The following CCDC102B variants were observed in gnomAD, a reference collection of about 807,000 sequenced individuals.
CCDC102B encodes the protein coiled-coil domain containing 102B.
In CCDC102B, 75 loss-of-function variants were observed where a neutral mutation model predicts 57.4. The ratio of observed to expected loss-of-function variants is 1.31; its 90% CI spans 1.08 to 1.58. The LOEUF (loss-of-function observed/expected upper bound fraction) is 1.58. Among genes scored for constraint, CCDC102B ranks in the 40% most tolerant of loss-of-function variants. The probability of loss-of-function intolerance (pLI) is 0.00; values close to 1 mark genes in which losing one functional copy is unlikely to be tolerated. For missense variants in CCDC102B, 636 were observed against 582.6 expected (o/e 1.09, Z -0.94); for synonymous variants, 206 against 201.9 (o/e 1.02, Z -0.17).
At chr18:69,007,370 G>T (rs888156275) in intron 6 of CCDC102B, among the ~76,000 whole-genome samples, 4 of 152,142 alleles carry the variant, frequency 2.6e-5, no homozygotes, top group Admixed American at 2.6e-4. Flanking sequence ...GTCTCAGATT[G>T]TTGTTGTCAC....
chr18:68,969,494 G>A (rs1190727837), intron 6 of CCDC102B, among the ~76,000 whole-genome samples: 2 of 78,794 alleles, frequency 2.5e-5, no homozygotes, highest in East Asian at 3.0e-4. Context: ...TTTTTTTTTC[G>A]TTCCTTGTAG....
chr18:68,946,214 A>T (rs2049534332), intron 6 of CCDC102B, among the ~76,000 whole-genome samples: 1 of 152,056 alleles, frequency 6.6e-6, no homozygotes, highest in Non-Finnish European at 1.5e-5. Context: ...TGTACAAATT[A>T]TCTCCCATGT....
chr18:68,874,201 T>C (rs2039347408), intron 4 of CCDC102B, among the ~76,000 whole-genome samples: 1 of 129,846 alleles, frequency 7.7e-6, no homozygotes, highest in African/African-American at 3.1e-5. Flanking sequence ...TGTGTGTGTG[T>C]GTGTGTGTGT....
At chr18:68,880,771 T>C (rs1450112998) in intron 5 of CCDC102B, among the ~76,000 whole-genome samples, 2 of 152,120 alleles carry the variant, frequency 1.3e-5, no homozygotes, top group Non-Finnish European at 2.9e-5. Flanking sequence ...TCCATAAATT[T>C]ATGATTAGTA....
chr18:68,868,785 T>A (rs1161616208), intron 4 of CCDC102B, among the ~76,000 whole-genome samples: 3 of 152,174 alleles, frequency 2.0e-5, no homozygotes, highest in African/African-American at 7.2e-5. Context: ...GTCAATATGA[T>A]CACAATTTCA....
chr18:68,806,670 T>C (rs2036044241), intron 1 of CCDC102B, among the ~76,000 whole-genome samples: 1 of 152,126 alleles, frequency 6.6e-6, no homozygotes, highest in Non-Finnish European at 1.5e-5. Context: ...TTTTGTCCAA[T>C]AGAAATATAA....
intron 6 of CCDC102B, among the ~76,000 whole-genome samples, chr18:68,992,136 A>C (rs965386852): frequency 7.2e-5 from 11 of 152,046 alleles, no homozygotes; most frequent in African/African-American, 1.4e-4. Context: ...GGAAATAACC[A>C]ACAATCACTA....
chr18:68,867,826 C>A (rs537738543), intron 4 of CCDC102B, among the ~76,000 whole-genome samples: 2 of 105,104 alleles, frequency 1.9e-5, no homozygotes, highest in South Asian at 3.1e-4. Flanking sequence ...CCCAGCTACT[C>A]GACAGGCTGA....
At chr18:69,006,803 G>A (rs577342069) in intron 6 of CCDC102B, among the ~76,000 whole-genome samples, 1 of 152,196 alleles carries the variant, frequency 6.6e-6, no homozygotes, top group African/African-American at 2.4e-5. Flanking sequence ...GAGAGGATAT[G>A]AATTAATGGA....
intron 7 of CCDC102B, among the ~76,000 whole-genome samples, chr18:69,036,415 G>T (rs999774749): frequency 4.6e-5 from 7 of 152,020 alleles, no homozygotes; most frequent in African/African-American, 1.2e-4. Context: ...ACGACCTGGG[G>T]CCTTACCAGA....
rs184241865 is a variant in CCDC102B, at chr18:68,759,881, C to T, written c.-67+43287C>T. On this transcript the variant is annotated intron_variant, in intron 2 of 3. Coordinates refer to the CCDC102B transcript ENST00000578970. ...GCAGGAACATTCCCCTCAGCCCTCACCCCTCTTTGGGGGTTACATTTGATG... is the reference window on the plus strand; with the variant it reads ...GCAGGAACATTCCCCTCAGCCCTCATCCCTCTTTGGGGGTTACATTTGATG... 6.5e-3 allele frequency among the ~76,000 whole-genome samples: 986 copies of T among 152,162 alleles called. 9 individuals carry two copies. Among genetic ancestry groups the T allele is most frequent in the African/African-American group, 0.023 (943 of 41,516 alleles).
At chr18:68,936,348 A>T (rs1202178752) in intron 6 of CCDC102B, among the ~76,000 whole-genome samples, 1 of 152,064 alleles carries the variant, frequency 6.6e-6, no homozygotes, top group East Asian at 1.9e-4. Flanking sequence ...GTGCAAAAAT[A>T]ACGCTTGGTA....
chr18:69,002,754 A>G (rs1457814571), intron 6 of CCDC102B, among the ~76,000 whole-genome samples: 1 of 152,130 alleles, frequency 6.6e-6, no homozygotes, highest in African/African-American at 2.4e-5. Context: ...TTTAGAAACG[A>G]CGTATACTTC....
At chr18:68,837,537 A>G (rs967718510) in intron 2 of CCDC102B, among the ~76,000 whole-genome samples, 168 bp downstream of exon 2, 5 of 152,182 alleles carry the variant, frequency 3.3e-5, no homozygotes, top group Non-Finnish European at 5.9e-5. Flanking sequence ...TTTTCTTACA[A>G]TTGTAGAAGC....
rs568599126 is a variant in CCDC102B, at chr18:68,920,544, C to T, written c.1263+23116C>T. ...TTATAGCTCCATATGGCTGGGGAGG[C>T]CTCAGAATCATGGTGAGAGGTGAAA... On this transcript the variant is annotated intron_variant, in intron 6 of 7. Coordinates refer to ENST00000360242, the MANE Select transcript of CCDC102B (RefSeq NM_024781.3). Among the ~76,000 whole-genome samples the T allele has an allele frequency of 5.3e-5, 8 of 152,120 alleles. No homozygotes were observed. The East Asian group carries it at 1.6e-3, about 30-fold the overall frequency.
At chr18:68,765,320 GGAAGGAAAGAAAGAAAGAAA>G (rs1441479070) in intron 2 of CCDC102B, among the ~76,000 whole-genome samples, 238 of 40,600 alleles carry the variant, frequency 5.9e-3, no homozygotes, top group Non-Finnish European at 0.01. Flanking sequence ...AAGGAAGGAA[GGAAGGAAAGAAAGAAAGAAA>G]GAAAGAAAGA....
intron 7 of CCDC102B, among the ~76,000 whole-genome samples, chr18:69,044,316 AGTAACTTTG>A (rs1241071175): frequency 6.6e-6 from 1 of 152,178 alleles, no homozygotes; most frequent in African/African-American, 2.4e-5. Context: ...ATTTTGCCAC[AGTAACTTTG>A]GTTCTTAACC....
chr18:69,054,504 A>G lies in CCDC102B; in HGVS notation c.*367A>G, dbSNP rs1203697425. 5.0e-6 allele frequency: 5 copies of G among 1,000,758 alleles called. No individual in the cohort carries two copies. The African/African-American group carries it at 7.0e-5, about 14-fold the overall frequency. The allele number at this position is 1,000,758 out of a possible 1,614,324, so 62.0% of individuals were successfully genotyped here. On this transcript the variant is annotated 3_prime_UTR_variant, in exon 8 of 8. Coordinates refer to ENST00000360242, the MANE Select transcript of CCDC102B (RefSeq NM_024781.3). ...TGGGTCATTAATAAGAAAACCATTG[A>G]CTTTAAGTATAAAGTACTGGTTTGT...
intron 5 of CCDC102B, among the ~76,000 whole-genome samples, chr18:68,894,983 C>T (rs1434160411): frequency 6.6e-6 from 1 of 151,834 alleles, no homozygotes; most frequent in African/African-American, 2.4e-5. Context: ...CTTGACACAG[C>T]ATATTTGTCC....
Sources: allele counts gnomAD v4.1 joint callset (sites outside exome capture counted in the v4.1 genomes callset), GRCh38; gene constraint gnomAD v4.1.1; transcripts MANE v1.5; gene names NCBI Gene and HGNC (gene_info 2026-07-23, HGNC 2026-07-21).